The following SNX29 variants were observed in gnomAD, a reference collection of about 807,000 sequenced individuals.
SNX29 encodes sorting nexin 29, also known as sorting nexin-29.
In SNX29, 78 loss-of-function variants were observed where a neutral mutation model predicts 102.1. The observed-to-expected ratio is 0.76, with a 90% CI of 0.64 to 0.92. The LOEUF is 0.92. SNX29 is among the 40% of genes least tolerant of loss of function. The pLI is 0.00. For missense variants in SNX29, 1,280 were observed against 1,061.7 expected (o/e 1.21, Z -2.86); for synonymous variants, 580 against 414.5 (o/e 1.40, Z -4.85).
At chr16:12,199,522 C>A in intron 13 of SNX29, 79 bp from the exon 14 acceptor site, 1 of 1,233,290 alleles carries the variant, frequency 8.1e-7, no homozygotes, top group Non-Finnish European at 1.1e-6. Context: ...ACAAATTCAC[C>A]ACCCACCCCT....
chr16:12,047,145 C>G (rs571138670), intron 6 of SNX29, among the ~76,000 whole-genome samples: 1 of 152,188 alleles, frequency 6.6e-6, no homozygotes, highest in Non-Finnish European at 1.5e-5. Context: ...CATGCTGTCT[C>G]AGCAGTCATC....
intron 20 of SNX29, among the ~76,000 whole-genome samples, chr16:12,556,063 C>G (rs542047544): frequency 6.6e-6 from 1 of 151,378 alleles, no homozygotes; most frequent in African/African-American, 2.4e-5. Flanking sequence ...GGGTGCTTTT[C>G]TTATTAATCT....
At chr16:12,254,879 T>C (rs938224824) in intron 14 of SNX29, among the ~76,000 whole-genome samples, 12 of 152,028 alleles carry the variant, frequency 7.9e-5, no homozygotes, top group Non-Finnish European at 1.8e-4. Flanking sequence ...TGCAGAGCAT[T>C]GATGAGAGAG....
intron 20 of SNX29, among the ~76,000 whole-genome samples, chr16:12,565,280 C>G (rs530686309): frequency 3.3e-5 from 5 of 151,994 alleles, no homozygotes; most frequent in African/African-American, 4.8e-5. Flanking sequence ...GCCTCACATA[C>G]GCCAGCAGCC....
intron 14 of SNX29, among the ~76,000 whole-genome samples, chr16:12,229,599 G>GT (rs113574666): frequency 0.029 from 4,255 of 144,868 alleles, 142 homozygotes; most frequent in African/African-American, 0.087. Flanking sequence ...GAATGGTGGG[G>GT]TTTTTTTTTT....
intron 5 of SNX29, among the ~76,000 whole-genome samples, chr16:12,044,768 C>T (rs1208999334): frequency 1.3e-5 from 2 of 151,982 alleles, no homozygotes; most frequent in Non-Finnish European, 2.9e-5. Context: ...TTAGTAGAGA[C>T]GGGGCTTCAC....
rs573694199 is a variant in SNX29, at chr16:12,475,950, A to G, written c.2038-1769A>G. Among the ~76,000 whole-genome samples, 7 of 152,280 alleles carry G rather than the reference A, an allele frequency of 4.6e-5. No individual in the cohort carries two copies. The South Asian group carries it at 1.4e-3, about 32-fold the overall frequency. ...ATTATGTATGATGATCAGAGAAGTG[A>G]TTGTACTTGCCACTCTCCAAGGGAA... is the stretch of plus-strand genomic sequence containing the variant. On this transcript the variant is annotated intron_variant, in intron 18 of 20. Transcript: ENST00000566228.
intron 15 of SNX29, among the ~76,000 whole-genome samples, chr16:12,302,206 G>A (rs959755124): frequency 2.1e-4 from 32 of 152,146 alleles, no homozygotes; most frequent in African/African-American, 7.2e-4. Flanking sequence ...CCGTCAAAGC[G>A]GCATGGAAAC....
chr16:12,335,839 C>G (rs1306242735), intron 15 of SNX29, among the ~76,000 whole-genome samples: 4 of 152,212 alleles, frequency 2.6e-5, no homozygotes, highest in Non-Finnish European at 4.4e-5. Flanking sequence ...TTCCCGTTTA[C>G]TAATGAGGAC....
chr16:12,351,384 C>T (rs1285183758), intron 15 of SNX29, among the ~76,000 whole-genome samples: 1 of 120,822 alleles, frequency 8.3e-6, no homozygotes, highest in Admixed American at 7.2e-5. Context: ...TCTAAGGCAT[C>T]GAAGTGAATA....
At chr16:12,541,917 TTGCCCACGGTACATCCTG>T (rs1409224255) in intron 20 of SNX29, among the ~76,000 whole-genome samples, 1 of 152,204 alleles carries the variant, frequency 6.6e-6, no homozygotes, top group Non-Finnish European at 1.5e-5. Flanking sequence ...TTTCCACTGA[TTGCCCACGGTACATCCTG>T]GGCCCACACA....
At chr16:11,993,661 G>C (rs2055943654) in intron 1 of SNX29, among the ~76,000 whole-genome samples, 1 of 152,162 alleles carries the variant, frequency 6.6e-6, no homozygotes, top group Non-Finnish European at 1.5e-5. Context: ...GGTGGAGTAG[G>C]ATTCTAACCC....
chr16:12,286,906 C>T (rs192104452), intron 15 of SNX29, among the ~76,000 whole-genome samples: 1 of 152,250 alleles, frequency 6.6e-6, no homozygotes, highest in East Asian at 1.9e-4. Flanking sequence ...AAAAACCCCA[C>T]ATTACTGCAA....
At chr16:12,152,783 G>A (rs190599312) in intron 13 of SNX29, among the ~76,000 whole-genome samples, 1 of 152,282 alleles carries the variant, frequency 6.6e-6, no homozygotes, top group Admixed American at 6.5e-5. Flanking sequence ...CATTTTCCGG[G>A]TGTTTTCTGA....
intron 18 of SNX29, among the ~76,000 whole-genome samples, chr16:12,442,105 G>A (rs2085834385): frequency 6.6e-6 from 1 of 152,110 alleles, no homozygotes; most frequent in African/African-American, 2.4e-5. Context: ...TATATGGTAT[G>A]AGGTAAGGAT....
intron 18 of SNX29, among the ~76,000 whole-genome samples, chr16:12,475,347 G>A (rs1286025629): frequency 2.0e-5 from 3 of 152,210 alleles, no homozygotes; most frequent in East Asian, 1.9e-4. Flanking sequence ...GGATATGTTG[G>A]TGGAAAAATA....
intron 8 of SNX29, chr16:12,060,927 C>T (rs550844282): frequency 1.5e-4 from 66 of 453,158 alleles, no homozygotes; most frequent in South Asian, 1.0e-3. Context: ...CGTGACTGGT[C>T]TGATTCTGTC....
intron 20 of SNX29, among the ~76,000 whole-genome samples, chr16:12,554,508 C>CAGGAT (rs1448704684): frequency 2.6e-5 from 4 of 152,238 alleles, no homozygotes; most frequent in Admixed American, 2.6e-4. Context: ...TCCTCCGCAG[C>CAGGAT]AGGATGCTGC....
chr16:12,571,898 C>T lies in SNX29; in HGVS notation c.*3269C>T, dbSNP rs894498451. On this transcript the variant is annotated 3_prime_UTR_variant, in exon 21 of 21. Coordinates refer to ENST00000566228, the MANE Select transcript of SNX29 (RefSeq NM_032167.5). Reference sequence around the variant, plus strand: ...GTTTGGAGCTGAGGTTCAAAGCCCCCTGCATTTCTCTACTGGCAGGCCCTG... The same window carrying T: ...GTTTGGAGCTGAGGTTCAAAGCCCCTTGCATTTCTCTACTGGCAGGCCCTG... 1 of 1,062,048 alleles carries T rather than the reference C, an allele frequency of 9.4e-7. No homozygotes were observed. The highest frequency in any genetic ancestry group is 1.1e-6 in the Non-Finnish European group (1 of 877,200). 65.8% of individuals were successfully genotyped at this position (1,062,048 alleles called of 1,614,324 possible). A position where few individuals can be genotyped will look rare whatever the true frequency, so the allele number is the denominator to read the frequency against.
Sources: gnomAD v4.1 joint callset for allele counts (sites outside exome capture counted in the v4.1 genomes callset) on GRCh38, gnomAD v4.1.1 for gene constraint, MANE v1.5 for transcripts, NCBI Gene and HGNC (gene_info 2026-07-23, HGNC 2026-07-21) for gene names.